STOX2: variants seen among roughly 807,000 people sequenced by gnomAD.
STOX2 encodes storkhead-box protein 2.
In STOX2, 28 loss-of-function variants were observed where a neutral mutation model predicts 60.9. That is an observed-to-expected ratio of 0.46 (90% CI 0.34 to 0.63). STOX2 has a LOEUF of 0.63. Ranked by LOEUF, STOX2 falls within the 30% of genes least tolerant of loss-of-function variation. The pLI is 0.01. For missense variants in STOX2, 1,024 were observed against 1,187.7 expected (o/e 0.86, Z 2.03); for synonymous variants, 472 against 463.9 (o/e 1.02, Z -0.22).
chr4:183,885,016 C>T (rs1255257578), intron 1 of STOX2, among the ~76,000 whole-genome samples: 1 of 152,168 alleles, frequency 6.6e-6, no homozygotes, highest in African/African-American at 2.4e-5. Context: ...AGCGCAGAGA[C>T]ATGTGAGCTG....
chr4:183,912,965 G>A (rs1165905534), intron 1 of STOX2, among the ~76,000 whole-genome samples: 1 of 152,196 alleles, frequency 6.6e-6, no homozygotes, highest in East Asian at 1.9e-4. Flanking sequence ...AGCTATGAGT[G>A]GATGATTAGA....
rs1329174132 is a variant in STOX2, at chr4:183,819,754, G to A, written c.364+21699G>A. The stretch of plus-strand genomic sequence containing the variant: ...GTCAAAAGGAAGCATGGGTGAAAAA[G>A]GCTTGAACGGCATCGCCCCACTAAA... On this transcript the variant is annotated intron_variant, in intron 1 of 2. Transcript: ENST00000513034. Among the ~76,000 whole-genome samples, 5 of 152,350 alleles carry A rather than the reference G, an allele frequency of 3.3e-5. No homozygotes were observed. The East Asian group carries it at 7.7e-4, about 23-fold the overall frequency.
intron 1 of STOX2, among the ~76,000 whole-genome samples, chr4:183,936,591 G>A (rs1352688956): frequency 1.3e-5 from 2 of 152,024 alleles, no homozygotes; most frequent in African/African-American, 2.4e-5. Context: ...GCAGAACTGT[G>A]TCTGAAGAGA....
intron 1 of STOX2, among the ~76,000 whole-genome samples, chr4:183,799,784 C>T (rs1738719069): frequency 6.6e-6 from 1 of 152,104 alleles, no homozygotes; most frequent in African/African-American, 2.4e-5. Flanking sequence ...GGTGATCTGT[C>T]ATATTAACCA....
chr4:183,973,055 G>C (rs898446306), intron 1 of STOX2, among the ~76,000 whole-genome samples: 1 of 150,990 alleles, frequency 6.6e-6, no homozygotes, highest in Non-Finnish European at 1.5e-5. Flanking sequence ...CTCAACAACA[G>C]AGAAAAAGAT....
At chr4:183,822,841 T>A (rs537157142) in intron 1 of STOX2, among the ~76,000 whole-genome samples, 2 of 152,318 alleles carry the variant, frequency 1.3e-5, no homozygotes, top group South Asian at 2.1e-4. Context: ...GCTCTTCTTA[T>A]CTCTATTGTC....
chr4:183,810,091 A>C (rs1739000887), intron 1 of STOX2, among the ~76,000 whole-genome samples: 1 of 152,140 alleles, frequency 6.6e-6, no homozygotes, highest in Admixed American at 6.5e-5. Context: ...TTTCCTTTTG[A>C]CCTTGTAACT....
Position 183,906,969 on chromosome 4 carries a change from C to A in STOX2, c.166+13C>A, listed in dbSNP as rs761524389. ...TACATGACATCAGGTTGGTTGGTGA[C>A]CGCGTTTCTGCCCCCGGGCCGGGGC... On this transcript the variant is annotated intron_variant, in intron 1 of 3. Coordinates refer to ENST00000308497, the MANE Select transcript of STOX2 (RefSeq NM_020225.3). 6.6e-7 allele frequency: 1 copy of A among 1,515,498 alleles called. No individual in the cohort carries two copies. Among genetic ancestry groups the A allele is most frequent in the South Asian group, 1.2e-5 (1 of 80,684 alleles). 93.9% of individuals were successfully genotyped at this position (1,515,498 alleles called of 1,614,324 possible). A position where few individuals can be genotyped will look rare whatever the true frequency, so the allele number is the denominator to read the frequency against.
At position 183,865,465 on chromosome 4, in the gene STOX2, C is replaced by T. The variant is rs542585558; in HGVS notation, c.364+67410C>T. Among the ~76,000 whole-genome samples the T allele has an allele frequency of 2.6e-5, 4 of 152,114 alleles. No individual in the cohort carries two copies. Among genetic ancestry groups the T allele is most frequent in the Admixed American group, 6.5e-5 (1 of 15,282 alleles). On this transcript the variant is annotated intron_variant, in intron 1 of 2. Transcript: ENST00000513034. The surrounding 1 kb of genome is among the most constrained non-coding windows in gnomAD (Gnocchi z 4.1). Reference sequence around the variant, plus strand: ...TGTCAGCATCTATGAATAAAAAGCCCGTATTTTCTCTAAATGAGCTTACGG... The same window carrying T: ...TGTCAGCATCTATGAATAAAAAGCCTGTATTTTCTCTAAATGAGCTTACGG...
intron 1 of STOX2, among the ~76,000 whole-genome samples, chr4:183,830,456 G>A (rs1048221828): frequency 1.3e-5 from 2 of 152,160 alleles, no homozygotes; most frequent in Non-Finnish European, 2.9e-5. Flanking sequence ...GTGGGAAGGA[G>A]GGAGTCCAGT....
chr4:183,969,917 C>T (rs974587402), intron 1 of STOX2, among the ~76,000 whole-genome samples: 2 of 152,172 alleles, frequency 1.3e-5, no homozygotes, highest in East Asian at 1.9e-4. Flanking sequence ...CCACCACACC[C>T]TGCCATGGTT....
chr4:183,869,285 C>T (rs886148519), intron 1 of STOX2, among the ~76,000 whole-genome samples: 9 of 152,132 alleles, frequency 5.9e-5, no homozygotes, highest in African/African-American at 1.4e-4. Flanking sequence ...CAGAATTGTT[C>T]GATGGGCCTA....
In STOX2 at chr4:183,906,680, A is replaced by G. The variant is rs878888802; in HGVS notation, c.-111A>G. 2 of 1,220,178 alleles carry G rather than the reference A, an allele frequency of 1.6e-6. No homozygotes were observed. Among genetic ancestry groups the G allele is most frequent in the South Asian group, 1.6e-5 (1 of 61,244 alleles). 75.6% of individuals were successfully genotyped at this position (1,220,178 alleles called of 1,614,324 possible). A position where few individuals can be genotyped will look rare whatever the true frequency, so the allele number is the denominator to read the frequency against. On this transcript the variant is annotated 5_prime_UTR_variant, in exon 1 of 4. Transcript: ENST00000308497. ...AGACGCCGACGAGGAGGGGCTGGGA[A>G]AATGTGCGCAGAGTCCGCCCGGGTC...
rs192986083 is a variant in STOX2, at chr4:183,850,313, C to T, written c.364+52258C>T. ...GCTCAAAAAGTTTATATAGATTCTTCAAGGAGAAAAAAAAAATTTTGGAGA... is the reference window on the plus strand; with the variant it reads ...GCTCAAAAAGTTTATATAGATTCTTTAAGGAGAAAAAAAAAATTTTGGAGA... On this transcript the variant is annotated intron_variant, in intron 1 of 2. Coordinates refer to the STOX2 transcript ENST00000513034. Among the ~76,000 whole-genome samples, 7 of 151,662 alleles carry T rather than the reference C, an allele frequency of 4.6e-5. No individual in the cohort carries two copies. In the East Asian group the frequency reaches 1.4e-3, roughly 29 times the overall value.
At chr4:183,885,649 G>A (rs1277401539) in intron 1 of STOX2, among the ~76,000 whole-genome samples, 2 of 152,222 alleles carry the variant, frequency 1.3e-5, no homozygotes, top group African/African-American at 4.8e-5. Context: ...GATGAGTGGA[G>A]TTTCTGTATC....
chr4:183,990,538 T>A (rs2111203086), intron 1 of STOX2, among the ~76,000 whole-genome samples: 1 of 143,186 alleles, frequency 7.0e-6, no homozygotes, highest in East Asian at 2.2e-4. Context: ...ACCCTTTCAA[T>A]AAATAGTTGA....
At position 184,011,319 on chromosome 4, in the gene STOX2, A is replaced by T. The variant is rs1345546254; in HGVS notation, c.2481A>T (p.Pro827=). ...KFEKNLTLLA[P]KETDSSSNQR... ...AAAAGAACCTCACCCTTCTTGCTCC[A>T]AAAGAAACCGACAGCAGCAGCAACC... The change falls in exon 3 of 4, where the codon CCA becomes CCT. Residue 827 remains proline (P), a synonymous_variant. Coordinates refer to ENST00000308497, the MANE Select transcript of STOX2 (RefSeq NM_020225.3). The surrounding 1 kb of genome is among the most constrained non-coding windows in gnomAD (Gnocchi z 4.4). 6.2e-7 allele frequency: 1 copy of T among 1,614,048 alleles called. No individual in the cohort carries two copies. Among genetic ancestry groups the T allele is most frequent in the Admixed American group, 1.7e-5 (1 of 60,026 alleles).
chr4:183,874,664 C>T lies in STOX2; in HGVS notation c.364+76609C>T, dbSNP rs967683342. 2.6e-5 allele frequency among the ~76,000 whole-genome samples: 4 copies of T among 151,828 alleles called. No individual in the cohort carries two copies. The East Asian group carries it at 5.8e-4, about 22-fold the overall frequency. On this transcript the variant is annotated intron_variant, in intron 1 of 2. Coordinates refer to the STOX2 transcript ENST00000513034. Reference sequence around the variant, plus strand: ...TATATTGGCCGGGCGCGGTGGCTCACGCCTGTAATCCCAACACTTTGGGAG... The same window carrying T: ...TATATTGGCCGGGCGCGGTGGCTCATGCCTGTAATCCCAACACTTTGGGAG...
chr4:183,805,888 C>T (rs1738878642), intron 1 of STOX2, among the ~76,000 whole-genome samples: 1 of 152,226 alleles, frequency 6.6e-6, no homozygotes, highest in Admixed American at 6.5e-5. Context: ...GATAGCTTGG[C>T]ATCAGTCTCT....
Sources: gnomAD v4.1 joint callset for allele counts (sites outside exome capture counted in the v4.1 genomes callset) on GRCh38, gnomAD v4.1.1 for gene constraint, Gnocchi (gnomAD v3.1) non-coding constraint, MANE v1.5 for transcripts, NCBI Gene and HGNC (gene_info 2026-07-23, HGNC 2026-07-21) for gene names.